The following RFESD variants were observed in gnomAD, a reference collection of about 807,000 sequenced individuals.
The protein encoded by RFESD is Rieske Fe-S domain containing, also known as Rieske domain-containing protein.
Under a neutral mutation model 24.4 loss-of-function variants are expected in RFESD, and 16 were observed. The observed-to-expected ratio is 0.66, with a 90% CI of 0.44 to 1.00. The LOEUF (loss-of-function observed/expected upper bound fraction) is 1.00, where lower values mean the gene tolerates loss of function less well. Among genes scored for constraint, RFESD ranks in the 50% least tolerant of loss-of-function variants. The probability of loss-of-function intolerance (pLI) is 0.00; values close to 1 mark genes in which losing one functional copy is unlikely to be tolerated. For missense variants in RFESD, 208 were observed against 247.0 expected, an observed-to-expected ratio of 0.84 and a Z score of 1.06; for synonymous variants, 59 against 81.8, an observed-to-expected ratio of 0.72 and a Z score of 1.50.
chr5:95,651,002 G>C (rs1168002981), intron 1 of RFESD, among the ~76,000 whole-genome samples: 1 of 151,174 alleles, frequency 6.6e-6, no homozygotes, highest in African/African-American at 2.4e-5. Context: ...GGAAGCTGAG[G>C]CAGGAGAATG....
At chr5:95,650,836 C>T (rs531685759) in intron 1 of RFESD, among the ~76,000 whole-genome samples, 1 of 152,272 alleles carries the variant, frequency 6.6e-6, no homozygotes, top group South Asian at 2.1e-4. Flanking sequence ...TGGTGGCTCA[C>T]GCCTGTAATC....
chr5:95,651,645 C>T (rs1318960994), intron 1 of RFESD, among the ~76,000 whole-genome samples: 2 of 152,212 alleles, frequency 1.3e-5, no homozygotes, highest in Non-Finnish European at 2.9e-5. Flanking sequence ...GATTTTCCCA[C>T]CCAGGCCTCC....
At chr5:95,648,224 A>G (rs1270557457) in intron 1 of RFESD, 2 of 152,194 alleles carry the variant, frequency 1.3e-5, no homozygotes, top group Admixed American at 1.3e-4. Context: ...GCTAATTTGT[A>G]ATTTTATATG....
Position 95,654,225 on chromosome 5 carries a change from T to C in RFESD, c.323T>C (p.Ile108Thr). 6.2e-7 allele frequency: 1 copy of C among 1,612,572 alleles called. No individual in the cohort carries two copies. Among genetic ancestry groups the C allele is most frequent in the South Asian group, 1.1e-5 (1 of 90,850 alleles). ...AAGGGAGAATATCATGCTATGGATA[T>C]TCGCTGTTACCGTAAGATTTTATTT... ...YHKGEYHAMDIRCYHSGGPLH... is the reference protein window; with the variant it reads ...YHKGEYHAMDTRCYHSGGPLH... The change falls in exon 4 of 6, where the codon ATT becomes ACT. Residue 108 changes from isoleucine (I) to threonine (T), a missense_variant. Transcript: ENST00000380005.
chr5:95,646,815 A>G lies in RFESD; in HGVS notation c.-138A>G, dbSNP rs1750118122. 6.6e-6 allele frequency: 1 copy of G among 152,236 alleles called. No homozygotes were observed. Among genetic ancestry groups the G allele is most frequent in the African/African-American group, 2.4e-5 (1 of 41,426 alleles). 9.4% of individuals were successfully genotyped at this position (152,236 alleles called of 1,614,324 possible). ...GCGGAGGCGGAGCGAGGACTCGGGG[A>G]CAGTAAGTTCTGTTCTCGCCGCGCA... On this transcript the variant is annotated splice_region_variant and 5_prime_UTR_variant, in exon 1 of 6. Coordinates refer to ENST00000380005, the MANE Select transcript of RFESD (RefSeq NM_001131066.2).
chr5:95,654,893 ATTATTT>A (rs1465844145), intron 5 of RFESD, among the ~76,000 whole-genome samples: 1 of 152,080 alleles, frequency 6.6e-6, no homozygotes, highest in Non-Finnish European at 1.5e-5. Flanking sequence ...ATGAGTATAT[ATTATTT>A]TTATAATATA....
chr5:95,651,323 G>A (rs1205271193), intron 1 of RFESD, among the ~76,000 whole-genome samples: 1 of 152,166 alleles, frequency 6.6e-6, no homozygotes, highest in Non-Finnish European at 1.5e-5. Context: ...GTTGACAACT[G>A]ATTTGTAATT....
intron 3 of RFESD, 106 bp from the exon 4 acceptor site, chr5:95,653,955 A>C (rs1220659570): frequency 1.3e-6 from 1 of 782,558 alleles, no homozygotes; most frequent in African/African-American, 1.8e-5. Context: ...AAGTGCCTCC[A>C]TTAATCTTGA....
intron 2 of RFESD, 92 bp downstream of exon 2, chr5:95,652,423 G>A (rs1750397007): frequency 1.4e-6 from 2 of 1,475,424 alleles, no homozygotes; most frequent in Non-Finnish European, 9.1e-7. Flanking sequence ...TTGTTGACTT[G>A]ACATCTCTAC....
chr5:95,656,063 G>A lies in RFESD; in HGVS notation c.387G>A (p.Pro129=), dbSNP rs752881517. 19 of 1,613,314 alleles carry A rather than the reference G, an allele frequency of 1.2e-5. No homozygotes were observed. The highest frequency in any genetic ancestry group is 3.3e-4 in the Middle Eastern group (2 of 6,074). ...LGDIEDFDGR[P]CIVCPWHKYK... ...TTCCCCAGGATTTTGATGGACGACC[G>A]TGTATAGTTTGCCCCTGGCATAAAT... The change falls in exon 6 of 6, where the codon CCG becomes CCA. Residue 129 remains proline (P), a synonymous_variant. Coordinates refer to ENST00000380005, the MANE Select transcript of RFESD (RefSeq NM_001131066.2).
intron 1 of RFESD, among the ~76,000 whole-genome samples, chr5:95,648,392 A>G (rs746031681): frequency 5.3e-5 from 8 of 152,204 alleles, no homozygotes; most frequent in Admixed American, 3.3e-4. Flanking sequence ...TTAAGATTCT[A>G]TTATCTTAAA....
chr5:95,652,361 A>T, intron 2 of RFESD, 30 bp downstream of exon 2: 1 of 1,544,622 alleles, frequency 6.5e-7, no homozygotes, highest in Non-Finnish European at 8.8e-7. Flanking sequence ...TGACCTGGAA[A>T]CTCCCCAGTT....
At position 95,656,225 on chromosome 5, in the gene RFESD, T is replaced by C. The variant is rs1461856527; in HGVS notation, c.549T>C (p.Tyr183=). ...HTVTVDNGNI[Y]VTLSNEPFKC... ...TGACAGTAGACAACGGAAATATTTATGTGACTCTTTCTAATGAACCTTTTA... is the reference window on the plus strand; with the variant it reads ...TGACAGTAGACAACGGAAATATTTACGTGACTCTTTCTAATGAACCTTTTA... Residue 183 remains tyrosine (Y), a synonymous_variant, in exon 6 of 6, where the codon TAT becomes TAC. Coordinates refer to ENST00000380005, the MANE Select transcript of RFESD (RefSeq NM_001131066.2). The C allele has an allele frequency of 6.2e-7, 1 of 1,613,772 alleles. No homozygotes were observed. Among genetic ancestry groups the C allele is most frequent in the East Asian group, 2.2e-5 (1 of 44,888 alleles).
At chr5:95,653,072 A>T in intron 2 of RFESD, 45 bp from the exon 3 acceptor site, 1 of 1,549,160 alleles carries the variant, frequency 6.5e-7, no homozygotes, top group Non-Finnish European at 8.7e-7. Flanking sequence ...CACATTCACC[A>T]AGACTTTTCT....
rs1444293548 is a variant in RFESD at position 95,656,908 on chromosome 5, AAC to A, written c.*601_*602del. On this transcript the variant is annotated 3_prime_UTR_variant, in exon 6 of 6. Coordinates refer to ENST00000380005, the MANE Select transcript of RFESD (RefSeq NM_001131066.2). Reference sequence around the variant, plus strand: ...TCTGAACTGTGCAACCTTCCTAAATAACAGACTTTTTATACTTAAAAAATGCC... The same window carrying A: ...TCTGAACTGTGCAACCTTCCTAAATAAGACTTTTTATACTTAAAAAATGCC... 1.3e-5 allele frequency: 2 copies of A among 152,204 alleles called. No individual in the cohort carries two copies. The highest frequency in any genetic ancestry group is 1.3e-4 in the Admixed American group (2 of 15,286). The allele number at this position is 152,204 out of a possible 1,614,324, so 9.4% of individuals were successfully genotyped here.
In RFESD at chr5:95,656,118, C is replaced by G; in HGVS notation, c.442C>G (p.Leu148Val). 6.2e-7 allele frequency: 1 copy of G among 1,613,662 alleles called. No individual in the cohort carries two copies. Among genetic ancestry groups the G allele is most frequent in the Non-Finnish European group, 8.5e-7 (1 of 1,179,620 alleles). The change falls in exon 6 of 6, where the codon CTG becomes GTG. Residue 148 changes from leucine to valine, a missense_variant. Coordinates refer to ENST00000380005, the MANE Select transcript of RFESD (RefSeq NM_001131066.2). The part of the protein sequence containing the change: ...YKITLATGEG[L>V]YQSINPKDPS... ...AATTACTTTGGCAACAGGAGAAGGTCTGTACCAGTCTATAAACCCTAAAGA... is the reference window on the plus strand; with the variant it reads ...AATTACTTTGGCAACAGGAGAAGGTGTGTACCAGTCTATAAACCCTAAAGA...
chr5:95,651,553 C>G (rs1750339017), intron 1 of RFESD, among the ~76,000 whole-genome samples: 1 of 152,168 alleles, frequency 6.6e-6, no homozygotes, highest in African/African-American at 2.4e-5. Flanking sequence ...TACCAACCCA[C>G]CTGGGTAATT....
intron 5 of RFESD, 118 bp downstream of exon 5, chr5:95,654,485 A>G (rs1330757409): frequency 4.2e-6 from 3 of 711,854 alleles, no homozygotes; most frequent in Non-Finnish European, 7.0e-6. Flanking sequence ...TATTCTGGGA[A>G]TTCATAAGAT....
In RFESD at chr5:95,653,156, C is replaced by T. The variant is rs1750463475; in HGVS notation, c.100C>T (p.His34Tyr). 1.3e-6 allele frequency: 2 copies of T among 1,551,708 alleles called. No individual in the cohort carries two copies. Among genetic ancestry groups the T allele is most frequent in the African/African-American group, 2.7e-5 (2 of 73,174 alleles). ...CCCCAAGCTGTTGGCATGTCTAGTT[C>T]ATTTGCATTTTGGGCATTTCAGCTC... ...LFPKLLACLV[H>Y]LHFGHFSSAV... The change falls in exon 3 of 6, where the codon CAT becomes TAT. Residue 34 changes from histidine to tyrosine, a missense_variant. Coordinates refer to ENST00000380005, the MANE Select transcript of RFESD (RefSeq NM_001131066.2).
Sources: gnomAD v4.1 joint callset for allele counts (sites outside exome capture counted in the v4.1 genomes callset) on GRCh38, gnomAD v4.1.1 for gene constraint, MANE v1.5 for transcripts, NCBI Gene and HGNC (gene_info 2026-07-23, HGNC 2026-07-21) for gene names.